Variants in ANKS1B observed in about 807,000 individuals in gnomAD.
ANKS1B encodes the protein ankyrin repeat and sterile alpha motif domain containing 1B, also known as ankyrin repeat and sterile alpha motif domain-containing protein 1B.
Under a neutral mutation model 148.3 loss-of-function variants are expected in ANKS1B, and 36 were observed. That is an observed-to-expected ratio of 0.24 (90% CI 0.19 to 0.32). The LOEUF (loss-of-function observed/expected upper bound fraction) is 0.32. Among genes scored for constraint, ANKS1B ranks in the 10% least tolerant of loss-of-function variants. The pLI, the probability that ANKS1B is intolerant of heterozygous loss-of-function variation, is 1.00. For synonymous variants in ANKS1B, 542 were observed against 560.8 expected, an observed-to-expected ratio of 0.97 and a Z score of 0.47; for missense variants, 1,157 against 1,542.6, an observed-to-expected ratio of 0.75 and a Z score of 4.19.
At chr12:99,135,496 C>T (rs962064394) in intron 15 of ANKS1B, among the ~76,000 whole-genome samples, 1 of 152,276 alleles carries the variant, frequency 6.6e-6, no homozygotes, top group Middle Eastern at 3.4e-3. Flanking sequence ...AAGAGAAGAT[C>T]CTGAAACTTC....
At chr12:98,800,274 A>G (rs755524773) in intron 21 of ANKS1B, among the ~76,000 whole-genome samples, 3 of 152,024 alleles carry the variant, frequency 2.0e-5, no homozygotes, top group African/African-American at 7.2e-5. Flanking sequence ...GTCCATCTAA[A>G]TCAAATGAAG....
At chr12:99,797,467 C>A (rs570263808) in intron 4 of ANKS1B, among the ~76,000 whole-genome samples, 1 of 151,952 alleles carries the variant, frequency 6.6e-6, no homozygotes, top group Admixed American at 6.6e-5. Flanking sequence ...ACAAGGTGAA[C>A]CCAAAGGCTC....
intron 17 of ANKS1B, among the ~76,000 whole-genome samples, chr12:98,871,879 C>T (rs899503500): frequency 2.0e-5 from 3 of 152,102 alleles, no homozygotes; most frequent in African/African-American, 4.8e-5. Flanking sequence ...ACTGAAAAAG[C>T]TTGTACACTG....
At chr12:99,201,008 G>A (rs1332487403) in intron 14 of ANKS1B, among the ~76,000 whole-genome samples, 1 of 152,146 alleles carries the variant, frequency 6.6e-6, no homozygotes, top group Non-Finnish European at 1.5e-5. Context: ...GCTACCTGGA[G>A]GAAGCATGTA....
chr12:99,678,142 A>T (rs894183830), intron 8 of ANKS1B, among the ~76,000 whole-genome samples: 2 of 152,232 alleles, frequency 1.3e-5, no homozygotes, highest in African/African-American at 4.8e-5. Flanking sequence ...TATGTTGAGA[A>T]CTTACTGTTC....
rs1361864921 is a variant in ANKS1B at position 99,806,322 on chromosome 12, C to A, written c.669+82G>T. On this transcript the variant is annotated intron_variant, in intron 4 of 26. Transcript: ENST00000683438. ...TGTGAACAATTTGATTAAAAGATTT[C>A]TACATACAGGTTTTCACATTTGAAT... The A allele has an allele frequency of 2.0e-6, 3 of 1,515,378 alleles. No individual in the cohort carries two copies. The East Asian group carries it at 6.8e-5, about 35-fold the overall frequency. The allele number at this position is 1,515,378 out of a possible 1,614,324, so 93.9% of individuals were successfully genotyped here.
chr12:99,781,714 T>C (rs1050657940), intron 5 of ANKS1B, among the ~76,000 whole-genome samples: 3 of 152,206 alleles, frequency 2.0e-5, no homozygotes, highest in African/African-American at 7.2e-5. Flanking sequence ...TCAATTCCTC[T>C]CTCTTACAGA....
chr12:99,130,834 T>C (rs1410481174), intron 15 of ANKS1B, among the ~76,000 whole-genome samples: 2 of 152,196 alleles, frequency 1.3e-5, no homozygotes, highest in East Asian at 3.8e-4. Flanking sequence ...CTCTGCACTA[T>C]TGTGTCTTCA....
intron 1 of ANKS1B, among the ~76,000 whole-genome samples, chr12:99,977,270 A>G (rs2095640694): frequency 1.3e-5 from 2 of 152,068 alleles, no homozygotes; most frequent in South Asian, 4.2e-4. Flanking sequence ...CAGCCTCTCA[A>G]GTAGTTGGGG....
chr12:99,625,193 T>C (rs2098098952), intron 9 of ANKS1B, among the ~76,000 whole-genome samples: 1 of 151,966 alleles, frequency 6.6e-6, no homozygotes, highest in African/African-American at 2.4e-5. Context: ...GAGTTAAATC[T>C]TGGGTACACA....
At chr12:99,040,548 A>T (rs1210183552) in intron 17 of ANKS1B, among the ~76,000 whole-genome samples, 1 of 152,178 alleles carries the variant, frequency 6.6e-6, no homozygotes, top group Non-Finnish European at 1.5e-5. Context: ...CTTTCATGAC[A>T]CAATACATCT....
chr12:99,451,828 T>C (rs1038714968), intron 10 of ANKS1B, among the ~76,000 whole-genome samples: 3 of 152,000 alleles, frequency 2.0e-5, no homozygotes, highest in African/African-American at 4.8e-5. Context: ...TGTGAATACA[T>C]TGCCTGACAC....
chr12:99,743,269 A>G (rs1229722155), intron 8 of ANKS1B, among the ~76,000 whole-genome samples: 6 of 152,198 alleles, frequency 3.9e-5, no homozygotes, highest in African/African-American at 1.4e-4. Flanking sequence ...CACCTAAAAT[A>G]GAGATTAAAG....
At chr12:99,727,675 T>G (rs2058743053) in intron 8 of ANKS1B, among the ~76,000 whole-genome samples, 1 of 152,170 alleles carries the variant, frequency 6.6e-6, no homozygotes, top group African/African-American at 2.4e-5. Context: ...AGAGCCCATA[T>G]AGCCAGGACA....
At chr12:98,833,704 C>T (rs2099345247) in intron 17 of ANKS1B, among the ~76,000 whole-genome samples, 1 of 152,152 alleles carries the variant, frequency 6.6e-6, no homozygotes, top group South Asian at 2.1e-4. Flanking sequence ...AGGTAGTATG[C>T]ATAGTACCCA....
chr12:99,738,486 C>G, intron 8 of ANKS1B, among the ~76,000 whole-genome samples: 1 of 152,172 alleles, frequency 6.6e-6, no homozygotes, highest in East Asian at 1.9e-4. Context: ...AGCTGTCTCA[C>G]AGTTCTCCAG....
At chr12:99,884,217 A>G (rs2092704936) in intron 1 of ANKS1B, among the ~76,000 whole-genome samples, 1 of 152,138 alleles carries the variant, frequency 6.6e-6, no homozygotes, top group Admixed American at 6.6e-5. Context: ...AGAACATGCT[A>G]CTACACACCT....
chr12:99,853,442 A>G (rs2088354521), intron 1 of ANKS1B, among the ~76,000 whole-genome samples: 1 of 152,130 alleles, frequency 6.6e-6, no homozygotes, highest in Non-Finnish European at 1.5e-5. Context: ...ACCAGCCCAG[A>G]GCCTGGTAGC....
In ANKS1B at chr12:99,977,324, G is replaced by GT. The variant is rs1461848261; in HGVS notation, c.134+6779dup. 2.0e-5 allele frequency among the ~76,000 whole-genome samples: 3 copies of GT among 152,054 alleles called. No individual in the cohort carries two copies. The East Asian group carries it at 5.8e-4, about 29-fold the overall frequency. ...ACACCTGGCCATTTTGTTTTGTTTTGTTTTTTATAGAGACAGGGTCTCACT... is the reference window on the plus strand; with the variant it reads ...ACACCTGGCCATTTTGTTTTGTTTTGTTTTTTTATAGAGACAGGGTCTCACT... On this transcript the variant is annotated intron_variant, in intron 1 of 26. Coordinates refer to ENST00000683438, the MANE Select transcript of ANKS1B (RefSeq NM_001352186.2).
Sources: gnomAD v4.1 joint callset for allele counts (sites outside exome capture counted in the v4.1 genomes callset) on GRCh38, gnomAD v4.1.1 for gene constraint, MANE v1.5 for transcripts, NCBI Gene and HGNC (gene_info 2026-07-23, HGNC 2026-07-21) for gene names.